Variants in POLRMT observed in about 807,000 individuals in gnomAD.
POLRMT encodes the protein RNA polymerase mitochondrial.
A neutral mutation model predicts 132.2 loss-of-function variants in POLRMT; 114 were observed. That is an observed-to-expected ratio of 0.86 (90% CI 0.74 to 1.01). POLRMT has a LOEUF of 1.01. Among genes scored for constraint, POLRMT ranks in the 50% least tolerant of loss-of-function variants. POLRMT has a pLI of 0.00. For synonymous variants in POLRMT, 1,020 were observed against 773.4 expected, an observed-to-expected ratio of 1.32 and a Z score of -5.29; for missense variants, 2,003 against 1,729.1, an observed-to-expected ratio of 1.16 and a Z score of -2.81.
chr19:620,981 CG>C (rs1984516640), intron 10 of POLRMT, 76 bp downstream of exon 10: 3 of 753,536 alleles, frequency 4.0e-6, no homozygotes, highest in Non-Finnish European at 5.0e-6. Context: ...GCGGGGGCGC[CG>C]GGGGAGGGCG....
chr19:631,971 C>T (rs548696945), intron 2 of POLRMT, among the ~76,000 whole-genome samples: 7 of 152,328 alleles, frequency 4.6e-5, no homozygotes, highest in African/African-American at 7.2e-5. Context: ...GACAGTGTTT[C>T]ACCATGTTGG....
intron 14 of POLRMT, 35 bp from the exon 15 acceptor site, chr19:619,145 C>CA: frequency 6.2e-7 from 1 of 1,609,994 alleles, no homozygotes; most frequent in Non-Finnish European, 8.5e-7. Flanking sequence ...GCAGGGGGCT[C>CA]AGGCCGGGGA....
Position 632,884 on chromosome 19 carries a change from T to A in POLRMT, c.143A>T (p.Glu48Val), listed in dbSNP as rs1449079204. The change falls in exon 2 of 21, where the codon GAG becomes GTG. Residue 48 changes from glutamate to valine, a missense_variant. By Grantham distance (121) the Glu-to-Val change is moderately radical. Coordinates refer to ENST00000588649, the MANE Select transcript of POLRMT (RefSeq NM_005035.4). ...PRRSSSASPQ[E>V]QDQDRRKDWG... Reference sequence around the variant, plus strand: ...GTCCTTCCTGCGGTCTTGGTCTTGCTCCTGGGGGCTGGCGGACGAGCTCCT... The same window carrying A: ...GTCCTTCCTGCGGTCTTGGTCTTGCACCTGGGGGCTGGCGGACGAGCTCCT... The A allele has an allele frequency of 1.3e-6, 2 of 1,548,618 alleles. No homozygotes were observed. Among genetic ancestry groups the A allele is most frequent in the East Asian group, 5.1e-5 (2 of 39,554 alleles).
rs1417822628 is a variant in POLRMT at position 622,604 on chromosome 19, C to T, written c.1604G>A (p.Cys535Tyr). The T allele has an allele frequency of 1.2e-6, 2 of 1,604,924 alleles. No individual in the cohort carries two copies. ...CACCTCGGCGTCGGAGGCCAGCAAG[C>T]AGAGGTACTTCCTGTAGTGGTTCTG... ...ALQNHYRKYL[C>Y]LLASDAEVPE... Residue 535 changes from cysteine to tyrosine, a missense_variant, in exon 8 of 21, where the codon TGC becomes TAC. Physicochemically the swap from Cys to Tyr is radical, Grantham distance 194. Transcript: ENST00000588649.
At chr19:618,842 G>A (rs571461220) in intron 15 of POLRMT, 82 bp from the exon 16 acceptor site, 3 of 1,479,528 alleles carry the variant, frequency 2.0e-6, no homozygotes, top group Non-Finnish European at 2.8e-6. Flanking sequence ...CACTGGGGTA[G>A]TGGCACGCTA....
At chr19:630,905 C>G (rs1985365993) in intron 2 of POLRMT, among the ~76,000 whole-genome samples, 1 of 152,312 alleles carries the variant, frequency 6.6e-6, no homozygotes. Flanking sequence ...CGTCGGTCAT[C>G]CCAGCACTTT....
chr19:626,696 C>CAAAAAAAAAAAAAAAAAAAA (rs59746130), intron 3 of POLRMT, among the ~76,000 whole-genome samples: 16 of 105,044 alleles, frequency 1.5e-4, no homozygotes, highest in African/African-American at 6.1e-4. Flanking sequence ...ACTAAAAATA[C>CAAAAAAAAAAAAAAAAAAAA]AAAAAAAAAA....
Position 621,353 on chromosome 19 carries a change from C to T in POLRMT, c.2345G>A (p.Arg782His). 1.3e-6 allele frequency: 2 copies of T among 1,577,904 alleles called. No homozygotes were observed. The highest frequency in any genetic ancestry group is 1.7e-6 in the Non-Finnish European group (2 of 1,170,198). ...CCGCAGGTGCTGCGCCAGCGAGAGG[C>T]GGTACAGCGCCTCCGCCCGCAGGCT... ...MHSLRAEALY[R>H]LSLAQHLRDR... Residue 782 changes from arginine to histidine, a missense_variant, in exon 10 of 21, where the codon CGC (arginine) becomes CAC (histidine). Physicochemically the swap from Arg to His is conservative, Grantham distance 29. Transcript: ENST00000588649.
chr19:622,443 G>C, intron 8 of POLRMT, 70 bp from the exon 9 acceptor site: 1 of 1,467,202 alleles, frequency 6.8e-7, no homozygotes, highest in South Asian at 1.4e-5. Context: ...GCCCGTGCCT[G>C]ACGCCCGGTG....
chr19:633,340 G>T, intron 1 of POLRMT, 85 bp downstream of exon 1: 1 of 1,367,826 alleles, frequency 7.3e-7, no homozygotes, highest in African/African-American at 1.5e-5. Context: ...AAGAGGCAAA[G>T]GTCAAAGCGC....
At chr19:630,256 T>A in intron 2 of POLRMT, 88 bp from the exon 3 acceptor site, 12 of 1,456,734 alleles carry the variant, frequency 8.2e-6, no homozygotes, top group Non-Finnish European at 1.1e-5. Context: ...GGCCAGGAGG[T>A]GCAGGTGGCT....
At chr19:627,476 C>T (rs1386033046) in intron 3 of POLRMT, among the ~76,000 whole-genome samples, 2 of 151,656 alleles carry the variant, frequency 1.3e-5, no homozygotes, top group Non-Finnish European at 2.9e-5. Flanking sequence ...TTCTAAACAA[C>T]CTCTGTATGG....
intron 2 of POLRMT, among the ~76,000 whole-genome samples, chr19:632,051 G>A (rs1464100073): frequency 6.7e-6 from 1 of 149,360 alleles, no homozygotes; most frequent in Non-Finnish European, 1.5e-5. Flanking sequence ...GGGATTACAG[G>A]CGTGAGCCAC....
At chr19:632,363 C>CA (rs1826263887) in intron 2 of POLRMT, among the ~76,000 whole-genome samples, 1 of 152,230 alleles carries the variant, frequency 6.6e-6, no homozygotes, top group Non-Finnish European at 1.5e-5. Flanking sequence ...CCTCCCACAC[C>CA]ACCAGCCAGG....
intron 16 of POLRMT, 26 bp from the exon 17 acceptor site, chr19:618,612 G>A: frequency 6.2e-7 from 1 of 1,600,228 alleles, no homozygotes; most frequent in African/African-American, 1.3e-5. Flanking sequence ...GTGCCGGTGG[G>A]GGCGGCCCAG....
In POLRMT at chr19:619,129, C is replaced by T; in HGVS notation, c.3154-19G>A. 6.2e-7 allele frequency: 1 copy of T among 1,611,288 alleles called. No individual in the cohort carries two copies. The highest frequency in any genetic ancestry group is 8.5e-7 in the Non-Finnish European group (1 of 1,178,922). ...GCCAGTGCTGTGGGACACAGGCCGT[C>T]TCAGGGCAGGGGGCTCAGGCCGGGG... On this transcript the variant is annotated intron_variant, in intron 14 of 20. Coordinates refer to ENST00000588649, the MANE Select transcript of POLRMT (RefSeq NM_005035.4).
Position 619,977 on chromosome 19 carries a change from T to C in POLRMT, c.2867A>G (p.Tyr956Cys). ...CCCTACCTGCGCGGCCACGCCGCTG[T>C]ACACGTCCTGCGGCACATCCGAGGG... ...LEPSDVPQDVYSGVAAQVEVF... is the reference protein window; with the variant it reads ...LEPSDVPQDVCSGVAAQVEVF... Residue 956 changes from tyrosine (Y) to cysteine (C), a missense_variant, in exon 12 of 21, where the codon TAC (tyrosine) becomes TGC (cysteine). Coordinates refer to ENST00000588649, the MANE Select transcript of POLRMT (RefSeq NM_005035.4). 1 of 1,599,898 alleles carries C rather than the reference T, an allele frequency of 6.3e-7. No individual in the cohort carries two copies. Among genetic ancestry groups the C allele is most frequent in the Non-Finnish European group, 8.5e-7 (1 of 1,177,046 alleles).
intron 12 of POLRMT, 72 bp from the exon 13 acceptor site, chr19:619,837 G>A: frequency 1.3e-6 from 2 of 1,551,958 alleles, no homozygotes; most frequent in Non-Finnish European, 1.7e-6. Context: ...CACCCATGAA[G>A]CCCCCGCCCC....
intron 2 of POLRMT, among the ~76,000 whole-genome samples, chr19:630,787 C>T (rs141156397): frequency 9.8e-5 from 15 of 152,348 alleles, no homozygotes; most frequent in African/African-American, 3.6e-4. Flanking sequence ...GGCTCCTGCT[C>T]GTGCCGCCTC....
Sources: gnomAD v4.1 joint callset for allele counts (sites outside exome capture counted in the v4.1 genomes callset) on GRCh38, gnomAD v4.1.1 for gene constraint, MANE v1.5 for transcripts, NCBI Gene and HGNC (gene_info 2026-07-23, HGNC 2026-07-21) for gene names.